PCDHA5: variants seen among roughly 807,000 people sequenced by gnomAD.
PCDHA5 encodes protocadherin alpha-5.
In PCDHA5, 43 loss-of-function variants were observed where a neutral mutation model predicts 61.6. That is an observed-to-expected ratio of 0.70 (90% confidence interval 0.55 to 0.90). PCDHA5 has a LOEUF of 0.90. Ranked by LOEUF, PCDHA5 falls within the 40% of genes least tolerant of loss-of-function variation. The pLI is 0.00. For synonymous variants in PCDHA5, 627 were observed against 543.9 expected (o/e 1.15, Z -2.13); for missense variants, 1,298 against 1,222.7 (o/e 1.06, Z -0.92).
intron 1 of PCDHA5, among the ~76,000 whole-genome samples, chr5:140,910,047 A>G (rs1454501128): frequency 2.0e-5 from 3 of 152,208 alleles, no homozygotes; most frequent in African/African-American, 4.8e-5. Context: ...CTTGGTCATA[A>G]TAAGTGATCT....
rs2098415068 is a variant in PCDHA5, at chr5:141,009,865, AAAG to A, written c.2746_2748del (p.Lys916del). The A allele has an allele frequency of 3.1e-6, 5 of 1,614,074 alleles. No homozygotes were observed. The highest frequency in any genetic ancestry group is 4.5e-5 in the East Asian group (2 of 44,872). On this transcript the variant is annotated inframe_deletion, in exon 4 of 4. Transcript: ENST00000529859. ...AGGAGGAGACCAAGAAAAAGAAGAA[AAAG>A]AAGAAGGGTAACAAGACCCAGGAGA...
At chr5:141,007,318 A>C (rs2098314985) in intron 3 of PCDHA5, among the ~76,000 whole-genome samples, 1 of 151,736 alleles carries the variant, frequency 6.6e-6, no homozygotes, top group South Asian at 2.1e-4. Flanking sequence ...TGGGAGGCTA[A>C]AGTGGACAGA....
chr5:140,964,880 C>T (rs2095860447), intron 1 of PCDHA5, among the ~76,000 whole-genome samples: 1 of 152,168 alleles, frequency 6.6e-6, no homozygotes, highest in Admixed American at 6.5e-5. Context: ...TAAGAAGCAG[C>T]AGTGATAGGA....
intron 1 of PCDHA5, chr5:140,968,051 C>T (rs1353005851): frequency 1.2e-6 from 2 of 1,614,018 alleles, no homozygotes; most frequent in African/African-American, 1.3e-5. Flanking sequence ...CCCACTGGAC[C>T]GAGAGCGGGT....
At chr5:140,977,301 G>T (rs1478869150) in intron 1 of PCDHA5, among the ~76,000 whole-genome samples, 1 of 152,208 alleles carries the variant, frequency 6.6e-6, no homozygotes, top group Non-Finnish European at 1.5e-5. Context: ...CAGCTGACAA[G>T]CTAACGATAG....
At chr5:140,938,210 T>G (rs1355577102) in intron 1 of PCDHA5, among the ~76,000 whole-genome samples, 2 of 152,140 alleles carry the variant, frequency 1.3e-5, no homozygotes, top group East Asian at 3.8e-4. Flanking sequence ...CCTCCCAAAG[T>G]GCTGGGATTA....
At chr5:140,931,881 T>C (rs2087825880) in intron 1 of PCDHA5, among the ~76,000 whole-genome samples, 1 of 152,002 alleles carries the variant, frequency 6.6e-6, no homozygotes, top group African/African-American at 2.4e-5. Flanking sequence ...TTTATTGCTT[T>C]CATTTTATTT....
At chr5:140,879,103 GGT>G (rs2057856027) in intron 1 of PCDHA5, among the ~76,000 whole-genome samples, 1 of 152,156 alleles carries the variant, frequency 6.6e-6, no homozygotes, top group Admixed American at 6.6e-5. Flanking sequence ...CACAGTATAT[GGT>G]GTAATTGAAG....
At position 140,982,510 on chromosome 5, in the gene PCDHA5, C is replaced by T; in HGVS notation, c.2447C>T (p.Ala816Val). 6.2e-7 allele frequency: 1 copy of T among 1,614,170 alleles called. No homozygotes were observed. The highest frequency in any genetic ancestry group is 8.5e-7 in the Non-Finnish European group (1 of 1,180,020). The change falls in exon 3 of 4, where the codon GCT becomes GTT. Residue 816 changes from alanine to valine, a missense_variant. Ala to Val is a moderately conservative substitution (Grantham distance 64, BLOSUM62 0). Coordinates refer to ENST00000529859, the MANE Select transcript of PCDHA5 (RefSeq NM_018908.3). ...CTAGAGGAGGCTGGCATTCTACGGGCTGGTCCAGGAGGGCCTGATCAGCAG... is the reference window on the plus strand; with the variant it reads ...CTAGAGGAGGCTGGCATTCTACGGGTTGGTCCAGGAGGGCCTGATCAGCAG... ...VHLEEAGILR[A>V]GPGGPDQQWP...
intron 1 of PCDHA5, among the ~76,000 whole-genome samples, chr5:140,945,334 A>G (rs1352254498): frequency 6.6e-6 from 1 of 152,134 alleles, no homozygotes; most frequent in Non-Finnish European, 1.5e-5. Flanking sequence ...TTTTATGTTC[A>G]TAGCTTGGAA....
At chr5:140,892,592 C>T (rs1053889046) in intron 1 of PCDHA5, among the ~76,000 whole-genome samples, 2 of 152,214 alleles carry the variant, frequency 1.3e-5, no homozygotes, top group Admixed American at 6.5e-5. Context: ...TATTCATTCA[C>T]CTATTTTTTT....
chr5:140,863,377 G>C (rs782482597), intron 1 of PCDHA5: 1 of 1,100,622 alleles, frequency 9.1e-7, no homozygotes, highest in African/African-American at 1.6e-5. Context: ...GCAGCTCACC[G>C]AGAGCTCGTG....
chr5:140,840,693 G>A (rs1776820788), intron 1 of PCDHA5, among the ~76,000 whole-genome samples: 1 of 152,026 alleles, frequency 6.6e-6, no homozygotes, highest in Non-Finnish European at 1.5e-5. Flanking sequence ...AAATAAAACG[G>A]TTCAGGCAAT....
intron 3 of PCDHA5, among the ~76,000 whole-genome samples, chr5:141,000,193 A>G (rs554462748): frequency 2.0e-5 from 3 of 151,958 alleles, no homozygotes; most frequent in Non-Finnish European, 4.4e-5. Flanking sequence ...ATGTGAGAAT[A>G]GTTTTTCACC....
chr5:140,825,805 C>T (rs2150141367), intron 1 of PCDHA5: 2 of 152,324 alleles, frequency 1.3e-5, no homozygotes, highest in East Asian at 3.9e-4. Flanking sequence ...AATTTTACTG[C>T]TTGTTGTTAC....
rs144442346 is a variant in PCDHA5 at position 140,929,817 on chromosome 5, G to A, written c.2353-49132G>A. 1,292 of 158,464 alleles carry A rather than the reference G, an allele frequency of 8.2e-3. 7 individuals are homozygous for A. Among genetic ancestry groups the A allele is most frequent in the African/African-American group, 0.019 (796 of 41,644 alleles). 9.8% of individuals were successfully genotyped at this position (158,464 alleles called of 1,614,324 possible). On this transcript the variant is annotated intron_variant, in intron 1 of 3. Coordinates refer to ENST00000529859, the MANE Select transcript of PCDHA5 (RefSeq NM_018908.3). The stretch of plus-strand genomic sequence containing the variant: ...ATGGGGGTTAAAAGAAGGGAGAAAG[G>A]GAACATAAGAGAACATTTGAGTGAG...
intron 1 of PCDHA5, among the ~76,000 whole-genome samples, chr5:140,941,768 T>C (rs576405772): frequency 2.6e-5 from 4 of 152,254 alleles, no homozygotes; most frequent in Non-Finnish European, 5.9e-5. Context: ...TTTAAGATAA[T>C]TGTTTTAATG....
intron 1 of PCDHA5, among the ~76,000 whole-genome samples, chr5:140,903,580 G>T (rs2070406453): frequency 6.6e-6 from 1 of 152,154 alleles, no homozygotes; most frequent in South Asian, 2.1e-4. Context: ...CTGTCTAGCT[G>T]GTGTTGGCCT....
At chr5:140,893,088 T>C (rs1340937679) in intron 1 of PCDHA5, among the ~76,000 whole-genome samples, 2 of 152,372 alleles carry the variant, frequency 1.3e-5, no homozygotes, top group African/African-American at 4.8e-5. Flanking sequence ...CATTCTTTTT[T>C]ATGGCTGGAT....
Sources: gnomAD v4.1 joint callset for allele counts (sites outside exome capture counted in the v4.1 genomes callset) on GRCh38, gnomAD v4.1.1 for gene constraint, MANE v1.5 for transcripts, NCBI Gene and HGNC (gene_info 2026-07-23, HGNC 2026-07-21) for gene names.